The following HS6ST3 variants were observed in gnomAD, a reference collection of about 807,000 sequenced individuals.
The protein encoded by HS6ST3 is heparan-sulfate 6-O-sulfotransferase 3.
Under a neutral mutation model 36.7 loss-of-function variants are expected in HS6ST3, and 12 were observed. The ratio of observed to expected loss-of-function variants is 0.33; its 90% confidence interval spans 0.21 to 0.53. The LOEUF is 0.53. Among genes scored for constraint, HS6ST3 ranks in the 20% least tolerant of loss-of-function variants. HS6ST3 has a pLI of 0.95. For missense variants in HS6ST3, 584 were observed against 640.9 expected (o/e 0.91, Z 0.96); for synonymous variants, 240 against 257.5 (o/e 0.93, Z 0.65).
Position 96,550,002 on chromosome 13 carries a change from G to A in HS6ST3, c.708-282488G>A, listed in dbSNP as rs142957251. ...TCTCTATTTCCACATTTGCCTTTCT[G>A]CAACAACAGTGCCTTTAAAAGCATC... On this transcript the variant is annotated intron_variant, in intron 1 of 1. Transcript: ENST00000376705. Among the ~76,000 whole-genome samples the A allele has an allele frequency of 3.0e-3, 457 of 152,202 alleles. 2 individuals are homozygous for A. The highest frequency in any genetic ancestry group is 0.011 in the African/African-American group (449 of 41,524).
At chr13:96,597,825 A>T (rs2056407589) in intron 1 of HS6ST3, among the ~76,000 whole-genome samples, 1 of 152,062 alleles carries the variant, frequency 6.6e-6, no homozygotes. Context: ...GTAAGTCCTT[A>T]TTCCATCTTG....
chr13:96,602,438 G>T (rs151035655), intron 1 of HS6ST3, among the ~76,000 whole-genome samples: 1 of 152,204 alleles, frequency 6.6e-6, no homozygotes, highest in East Asian at 1.9e-4. Context: ...GGAAATTCCT[G>T]TAGCCAGCAC....
chr13:96,502,245 C>G (rs1252200088), intron 1 of HS6ST3, among the ~76,000 whole-genome samples: 1 of 152,124 alleles, frequency 6.6e-6, no homozygotes, highest in African/African-American at 2.4e-5. Flanking sequence ...GGTCTGGACA[C>G]CTAGCAGGCA....
Position 96,091,461 on chromosome 13 carries a change from T to A in HS6ST3, c.599T>A (p.Phe200Tyr). The stretch of plus-strand genomic sequence containing the variant: ...AAGGAGACGTGGCTCTTCTCCCGCT[T>A]CTCCACCGGCTGGAGCTGCGGGCTG... ...GKKETWLFSRFSTGWSCGLHA... is the reference protein window; with the variant it reads ...GKKETWLFSRYSTGWSCGLHA... Residue 200 changes from phenylalanine to tyrosine, a missense_variant, in exon 1 of 2, where the codon TTC becomes TAC. Phe to Tyr is a conservative substitution (Grantham distance 22). Transcript: ENST00000376705. 6.2e-7 allele frequency: 1 copy of A among 1,609,306 alleles called. No individual in the cohort carries two copies. The highest frequency in any genetic ancestry group is 8.5e-7 in the Non-Finnish European group (1 of 1,178,724).
intron 1 of HS6ST3, among the ~76,000 whole-genome samples, chr13:96,340,780 G>A (rs1430624809): frequency 3.3e-5 from 5 of 152,212 alleles, no homozygotes. Context: ...ATAAGAGATG[G>A]TCAGTATGTT....
intron 1 of HS6ST3, among the ~76,000 whole-genome samples, chr13:96,291,178 C>T (rs1477986238): frequency 6.6e-6 from 1 of 152,154 alleles, no homozygotes; most frequent in East Asian, 1.9e-4. Flanking sequence ...TTCTGTCTCT[C>T]CCATAGAATG....
At chr13:96,238,476 T>C (rs571349049) in intron 1 of HS6ST3, among the ~76,000 whole-genome samples, 1 of 152,356 alleles carries the variant, frequency 6.6e-6, no homozygotes, top group East Asian at 1.9e-4. Context: ...CCAGTCTGAT[T>C]CTGTGCCTGT....
At chr13:96,461,174 A>T (rs2055782397) in intron 1 of HS6ST3, among the ~76,000 whole-genome samples, 1 of 152,216 alleles carries the variant, frequency 6.6e-6, no homozygotes, top group Non-Finnish European at 1.5e-5. Flanking sequence ...AATTAACTAT[A>T]GAGCTGGATT....
chr13:96,284,916 T>TTTCC (rs2054793816), intron 1 of HS6ST3, among the ~76,000 whole-genome samples: 1 of 62,034 alleles, frequency 1.6e-5, no homozygotes, highest in Non-Finnish European at 3.4e-5. Context: ...ATTTGCTTTC[T>TTTCC]TTCTTTCTTT....
intron 1 of HS6ST3, among the ~76,000 whole-genome samples, chr13:96,633,205 G>A (rs1006069113): frequency 3.3e-5 from 5 of 152,158 alleles, no homozygotes; most frequent in African/African-American, 1.2e-4. Flanking sequence ...GCATGGAAAG[G>A]CAGGAACATA....
At chr13:96,297,266 C>G (rs1168314172) in intron 1 of HS6ST3, among the ~76,000 whole-genome samples, 1 of 151,968 alleles carries the variant, frequency 6.6e-6, no homozygotes, top group Non-Finnish European at 1.5e-5. Flanking sequence ...TAGTTTCTCC[C>G]CTATCTACTA....
chr13:96,482,475 A>G (rs1437887198), intron 1 of HS6ST3, among the ~76,000 whole-genome samples: 1 of 147,896 alleles, frequency 6.8e-6, no homozygotes. Flanking sequence ...TTTTTTCCGT[A>G]AAGCCTAGCT....
chr13:96,607,116 G>A (rs1480146939), intron 1 of HS6ST3, among the ~76,000 whole-genome samples: 1 of 152,132 alleles, frequency 6.6e-6, no homozygotes, highest in African/African-American at 2.4e-5. Context: ...ACATCCTTAA[G>A]AATATTGACT....
chr13:96,387,099 C>A (rs994533802), intron 1 of HS6ST3, among the ~76,000 whole-genome samples: 3 of 152,120 alleles, frequency 2.0e-5, no homozygotes, highest in African/African-American at 7.2e-5. Context: ...TTCTTTGCTT[C>A]TTTTTCAAAT....
chr13:96,504,700 T>C (rs1319617488), intron 1 of HS6ST3, among the ~76,000 whole-genome samples: 1 of 152,126 alleles, frequency 6.6e-6, no homozygotes, highest in Non-Finnish European at 1.5e-5. Context: ...CCAAGGGACC[T>C]GACATAATTA....
At chr13:96,432,798 GTAA>G (rs1162802656) in intron 1 of HS6ST3, among the ~76,000 whole-genome samples, 2 of 152,134 alleles carry the variant, frequency 1.3e-5, no homozygotes, top group Non-Finnish European at 2.9e-5. Flanking sequence ...TCTCTATGAA[GTAA>G]TAATAACTTT....
intron 1 of HS6ST3, among the ~76,000 whole-genome samples, chr13:96,196,275 T>C (rs1043487943): frequency 6.6e-6 from 1 of 152,168 alleles, no homozygotes; most frequent in African/African-American, 2.4e-5. Flanking sequence ...TCTGCCATCC[T>C]TGTTGCTTCA....
intron 1 of HS6ST3, among the ~76,000 whole-genome samples, chr13:96,595,946 A>AT (rs907129823): frequency 5.1e-4 from 77 of 151,688 alleles, no homozygotes; most frequent in East Asian, 1.7e-3. Flanking sequence ...AATTAAAACA[A>AT]TTTTTTTTGT....
At chr13:96,419,791 G>C (rs1037368000) in intron 1 of HS6ST3, among the ~76,000 whole-genome samples, 1 of 152,006 alleles carries the variant, frequency 6.6e-6, no homozygotes, top group Non-Finnish European at 1.5e-5. Flanking sequence ...CCTCCATCAC[G>C]CATAGTCGTC....
Sources: allele counts gnomAD v4.1 joint callset (sites outside exome capture counted in the v4.1 genomes callset), GRCh38; gene constraint gnomAD v4.1.1; transcripts MANE v1.5; gene names NCBI Gene and HGNC (gene_info 2026-07-23, HGNC 2026-07-21).